Variants in RAPGEF5 observed in about 807,000 individuals in gnomAD.
The protein encoded by RAPGEF5 is M-Ras-regulated GEF.
Under a neutral mutation model 125.2 loss-of-function variants are expected in RAPGEF5, and 65 were observed. The ratio of observed to expected loss-of-function variants is 0.52; its 90% CI spans 0.43 to 0.64. The LOEUF (loss-of-function observed/expected upper bound fraction) is 0.64. RAPGEF5 is among the 30% of genes least tolerant of loss of function. The pLI, the probability that RAPGEF5 is intolerant of heterozygous loss-of-function variation, is 0.00. For synonymous variants in RAPGEF5, 391 were observed against 385.9 expected, an observed-to-expected ratio of 1.01 and a Z score of -0.16; for missense variants, 958 against 1,048.1, an observed-to-expected ratio of 0.91 and a Z score of 1.19.
chr7:22,217,177 C>A (rs1785657939), intron 9 of RAPGEF5, among the ~76,000 whole-genome samples: 1 of 152,140 alleles, frequency 6.6e-6, no homozygotes, highest in South Asian at 2.1e-4. Context: ...TGGATGAAGT[C>A]GATGAAGCAT....
chr7:22,214,806 C>T (rs1018745680), intron 9 of RAPGEF5, among the ~76,000 whole-genome samples: 1 of 151,936 alleles, frequency 6.6e-6, no homozygotes, highest in Non-Finnish European at 1.5e-5. Context: ...TTCTGGGCCA[C>T]CTATCAGTCC....
chr7:22,224,219 T>G (rs531491712), intron 8 of RAPGEF5, among the ~76,000 whole-genome samples: 1 of 152,340 alleles, frequency 6.6e-6, no homozygotes, highest in African/African-American at 2.4e-5. Flanking sequence ...TGTCAGGATT[T>G]TAATGCAGTC....
At chr7:22,345,712 T>C (rs1435251270) in intron 1 of RAPGEF5, among the ~76,000 whole-genome samples, 4 of 150,284 alleles carry the variant, frequency 2.7e-5, no homozygotes, top group African/African-American at 7.3e-5. Context: ...TTTTTTTTTT[T>C]TTTTTTTAGA....
At chr7:22,339,920 A>G (rs1784094508) in intron 1 of RAPGEF5, among the ~76,000 whole-genome samples, 1 of 152,090 alleles carries the variant, frequency 6.6e-6, no homozygotes, top group Non-Finnish European at 1.5e-5. Flanking sequence ...CCACCCCCTA[A>G]AGCAGACCAG....
At chr7:22,162,564 T>C in intron 12 of RAPGEF5, 23 bp from the exon 13 acceptor site, 1 of 1,587,008 alleles carries the variant, frequency 6.3e-7, no homozygotes, top group Non-Finnish European at 8.6e-7. Context: ...AAGAAAAAAT[T>C]ATATTGTTGA....
At chr7:22,130,723 A>G (rs1003421470) in intron 24 of RAPGEF5, among the ~76,000 whole-genome samples, 1 of 152,222 alleles carries the variant, frequency 6.6e-6, no homozygotes, top group Non-Finnish European at 1.5e-5. Flanking sequence ...CAGCAGCCTT[A>G]CAGTTTTAGC....
At chr7:22,307,431 C>G (rs559909984) in intron 5 of RAPGEF5, among the ~76,000 whole-genome samples, 153 of 152,208 alleles carry the variant, frequency 1.0e-3, no homozygotes, top group Non-Finnish European at 1.6e-3. Flanking sequence ...GAGTGCTCAC[C>G]TGATTTTTGG....
chr7:22,284,737 C>T (rs1782757037), intron 6 of RAPGEF5, among the ~76,000 whole-genome samples: 1 of 151,998 alleles, frequency 6.6e-6, no homozygotes, highest in Non-Finnish European at 1.5e-5. Flanking sequence ...GATCAGGCTG[C>T]GATAGTCTAA....
chr7:22,271,428 C>A (rs1471899170), intron 6 of RAPGEF5, among the ~76,000 whole-genome samples: 1 of 152,158 alleles, frequency 6.6e-6, no homozygotes, highest in African/African-American at 2.4e-5. Context: ...AGGAACGTGG[C>A]CTTCACTGTA....
At chr7:22,291,930 T>C (rs1273100888) in intron 5 of RAPGEF5, among the ~76,000 whole-genome samples, 2 of 152,222 alleles carry the variant, frequency 1.3e-5, no homozygotes, top group Non-Finnish European at 2.9e-5. Flanking sequence ...CAAATGTATA[T>C]TCTAACAGAC....
intron 7 of RAPGEF5, among the ~76,000 whole-genome samples, chr7:22,240,660 A>G (rs941693039): frequency 1.3e-5 from 2 of 152,116 alleles, no homozygotes; most frequent in African/African-American, 2.4e-5. Flanking sequence ...GGAGTGAGCC[A>G]CCATGACTAG....
intron 24 of RAPGEF5, among the ~76,000 whole-genome samples, chr7:22,130,179 T>C (rs553207499): frequency 6.6e-6 from 1 of 152,268 alleles, no homozygotes; most frequent in Non-Finnish European, 1.5e-5. Flanking sequence ...TCTTTAACCA[T>C]GAAGGACAGT....
intron 11 of RAPGEF5, among the ~76,000 whole-genome samples, chr7:22,181,420 T>C (rs949937089): frequency 6.6e-6 from 1 of 152,194 alleles, no homozygotes; most frequent in Non-Finnish European, 1.5e-5. Flanking sequence ...AGGTATGCAA[T>C]GGAGAATTTT....
intron 8 of RAPGEF5, 118 bp from the exon 9 acceptor site, chr7:22,220,109 G>A: frequency 7.7e-7 from 1 of 1,301,084 alleles, no homozygotes; most frequent in Non-Finnish European, 1.1e-6. Context: ...TTAAATCATG[G>A]TCTTGGTAAA....
intron 1 of RAPGEF5, among the ~76,000 whole-genome samples, chr7:22,333,249 A>G (rs916625937): frequency 6.6e-6 from 1 of 152,250 alleles, no homozygotes; most frequent in Middle Eastern, 3.4e-3. Context: ...GAACTGCATG[A>G]CTATATACCC....
chr7:22,305,735 C>A (rs1783322503), intron 5 of RAPGEF5, among the ~76,000 whole-genome samples: 1 of 152,146 alleles, frequency 6.6e-6, no homozygotes, highest in Admixed American at 6.5e-5. Context: ...CCTCTGGTAA[C>A]CATCCTTCTA....
intron 3 of RAPGEF5, among the ~76,000 whole-genome samples, chr7:22,311,101 C>T (rs1045130212): frequency 6.6e-6 from 1 of 152,172 alleles, no homozygotes; most frequent in African/African-American, 2.4e-5. Context: ...TCTCGGCTTA[C>T]TGCGACCTCT....
At chr7:22,267,605 T>G (rs1342229318) in intron 6 of RAPGEF5, among the ~76,000 whole-genome samples, 2 of 152,082 alleles carry the variant, frequency 1.3e-5, no homozygotes, top group African/African-American at 2.4e-5. Flanking sequence ...ATCCTAAATG[T>G]CTTTAACCCT....
chr7:22,261,621 G>C (rs1782157591), intron 7 of RAPGEF5, among the ~76,000 whole-genome samples: 1 of 151,964 alleles, frequency 6.6e-6, no homozygotes. Context: ...GTGAGACCCT[G>C]TCTCAAAAAT....
Sources: allele counts gnomAD v4.1 joint callset (sites outside exome capture counted in the v4.1 genomes callset), GRCh38; gene constraint gnomAD v4.1.1; transcripts MANE v1.5; gene names NCBI Gene and HGNC (gene_info 2026-07-23, HGNC 2026-07-21).